The following SYNE2 variants were observed in gnomAD, a reference collection of about 807,000 sequenced individuals.
SYNE2 encodes spectrin repeat containing nuclear envelope protein 2.
Under a neutral mutation model 856.3 loss-of-function variants are expected in SYNE2, and 431 were observed. The observed-to-expected ratio is 0.50, with a 90% CI of 0.47 to 0.55. SYNE2 has a LOEUF of 0.55. SYNE2 is among the 20% of genes least tolerant of loss of function. SYNE2 has a pLI of 0.00. For synonymous variants in SYNE2, 2,923 were observed against 2,872.3 expected, an observed-to-expected ratio of 1.02 and a Z score of -0.56; for missense variants, 8,129 against 8,023.2, an observed-to-expected ratio of 1.01 and a Z score of -0.50.
At chr14:63,797,724 G>A (rs577793549) in intron 1 of SYNE2, among the ~76,000 whole-genome samples, 3 of 152,356 alleles carry the variant, frequency 2.0e-5, no homozygotes, top group South Asian at 2.1e-4. Context: ...TTACAGGTGT[G>A]AGCCACCACG....
In SYNE2 at chr14:63,912,856, A is replaced by T. The variant is rs1040245293; in HGVS notation, c.79+3629A>T. Among the ~76,000 whole-genome samples the T allele has an allele frequency of 2.6e-5, 4 of 152,234 alleles. No individual in the cohort carries two copies. In the South Asian group the frequency reaches 8.3e-4, roughly 32 times the overall value. The stretch of plus-strand genomic sequence containing the variant: ...AAATTCATAGAGCAGGACGATAAGC[A>T]AGTGACTTTATCTTTCTTTTCATTG... On this transcript the variant is annotated intron_variant, in intron 2 of 115. Coordinates refer to ENST00000555002, the MANE Select transcript of SYNE2 (RefSeq NM_182914.3).
chr14:63,784,595 A>G (rs967042097), intron 1 of SYNE2, among the ~76,000 whole-genome samples: 5 of 152,090 alleles, frequency 3.3e-5, no homozygotes, highest in Non-Finnish European at 5.9e-5. Context: ...CCTGGGCTCC[A>G]GTGATCTTCC....
At chr14:64,220,391 TC>T in intron 110 of SYNE2, 45 bp from the exon 111 acceptor site, 5 of 1,607,840 alleles carry the variant, frequency 3.1e-6, no homozygotes, top group Non-Finnish European at 4.3e-6. Flanking sequence ...GAGCCCCTCC[TC>T]CCTACTTTCA....
At chr14:63,955,102 A>G (rs1481067316) in intron 8 of SYNE2, among the ~76,000 whole-genome samples, 187 bp downstream of exon 8, 2 of 152,238 alleles carry the variant, frequency 1.3e-5, no homozygotes, top group Non-Finnish European at 2.9e-5. Context: ...CAGTAATTAT[A>G]GGGGAAGCCA....
chr14:64,080,442 A>G lies in SYNE2; in HGVS notation c.11164-14A>G. 6.2e-7 allele frequency: 1 copy of G among 1,614,010 alleles called. No homozygotes were observed. The highest frequency in any genetic ancestry group is 8.5e-7 in the Non-Finnish European group (1 of 1,179,986). Reference sequence around the variant, plus strand: ...ACCTCTTCATTCAAGTTGACTTACGATTTCCTTCTCCAGAAAATGTGGGAC... The same window carrying G: ...ACCTCTTCATTCAAGTTGACTTACGGTTTCCTTCTCCAGAAAATGTGGGAC... On this transcript the variant is annotated splice_polypyrimidine_tract_variant and intron_variant, in intron 55 of 115. Transcript: ENST00000555002.
intron 78 of SYNE2, among the ~76,000 whole-genome samples, chr14:64,136,684 T>C (rs1316382819): frequency 6.6e-6 from 1 of 152,262 alleles, no homozygotes; most frequent in African/African-American, 2.4e-5. Flanking sequence ...TACGCTGTTT[T>C]AATTTATTTT....
chr14:63,863,443 C>T (rs1894297829), intron 1 of SYNE2, among the ~76,000 whole-genome samples: 1 of 152,136 alleles, frequency 6.6e-6, no homozygotes, highest in Admixed American at 6.6e-5. Flanking sequence ...TCATCTTTAG[C>T]CGCTTCTGTG....
At chr14:64,090,424 A>G (rs985411795) in intron 59 of SYNE2, among the ~76,000 whole-genome samples, 2 of 152,344 alleles carry the variant, frequency 1.3e-5, no homozygotes, top group South Asian at 4.1e-4. Flanking sequence ...GCAAAATATA[A>G]TTATACTCCT....
chr14:64,225,033 A>G lies in SYNE2; in HGVS notation c.20504A>G (p.Glu6835Gly). 1 of 1,613,852 alleles carries G rather than the reference A, an allele frequency of 6.2e-7. No individual in the cohort carries two copies. Among genetic ancestry groups the G allele is most frequent in the African/African-American group, 1.3e-5 (1 of 74,964 alleles). The change falls in exon 115 of 116, where the codon GAG becomes GGG. Residue 6835 changes from glutamate (E) to glycine (G), a missense_variant. Transcript: ENST00000555002. ...GTGAGAACTACAGAAGGCGAGGAGGAGACAGAGAGCAGGTAACGGGGCTTT... is the reference window on the plus strand; with the variant it reads ...GTGAGAACTACAGAAGGCGAGGAGGGGACAGAGAGCAGGTAACGGGGCTTT... The part of the protein sequence containing the change: ...RAVRTTEGEE[E>G]TESRVPGSTR...
chr14:63,788,492 A>G (rs1460489268), intron 1 of SYNE2, among the ~76,000 whole-genome samples: 5 of 152,084 alleles, frequency 3.3e-5, no homozygotes, highest in African/African-American at 7.2e-5. Flanking sequence ...ACAAGAGCAC[A>G]GGGAGGCTCG....
chr14:64,092,240 G>C (rs2097626476), intron 60 of SYNE2, among the ~76,000 whole-genome samples: 2 of 152,216 alleles, frequency 1.3e-5, no homozygotes, highest in Non-Finnish European at 2.9e-5. Flanking sequence ...TGAAATAGAA[G>C]AGGCAGTTCT....
rs2098713029 is a variant in SYNE2, at chr14:64,225,120, C to T, written c.20516+75C>T. 8.9e-6 allele frequency: 14 copies of T among 1,578,546 alleles called. No homozygotes were observed. The Admixed American group carries it at 2.2e-4, about 25-fold the overall frequency. ...CACTGACTCAGTCTTGCCAATGCCA[C>T]TATCAAGGTCCTTGCAAAAATCTGG... is the stretch of plus-strand genomic sequence containing the variant. On this transcript the variant is annotated intron_variant, in intron 115 of 115. Coordinates refer to ENST00000555002, the MANE Select transcript of SYNE2 (RefSeq NM_182914.3).
At chr14:63,807,240 G>C (rs1423747320) in intron 1 of SYNE2, among the ~76,000 whole-genome samples, 1 of 152,038 alleles carries the variant, frequency 6.6e-6, no homozygotes, top group Non-Finnish European at 1.5e-5. Flanking sequence ...TACTCAGAAG[G>C]CTGAGGCAGG....
intron 46 of SYNE2, chr14:64,048,483 C>T (rs957863030): frequency 1.5e-5 from 3 of 199,238 alleles, no homozygotes; most frequent in Admixed American, 5.3e-5. Flanking sequence ...ATGTATTTTT[C>T]CTAACAATCA....
intron 93 of SYNE2, among the ~76,000 whole-genome samples, chr14:64,169,344 G>T (rs2098399062): frequency 1.3e-5 from 2 of 152,190 alleles, no homozygotes; most frequent in African/African-American, 4.8e-5. Flanking sequence ...TCTAAAAAAT[G>T]ATTATTCCTA....
intron 1 of SYNE2, among the ~76,000 whole-genome samples, chr14:63,883,475 T>G (rs1281821813): frequency 6.6e-6 from 1 of 152,146 alleles, no homozygotes; most frequent in Non-Finnish European, 1.5e-5. Flanking sequence ...TACCTCAGCC[T>G]CCCAGGGATC....
At chr14:63,863,044 C>T (rs578253186) in intron 1 of SYNE2, among the ~76,000 whole-genome samples, 2 of 151,944 alleles carry the variant, frequency 1.3e-5, no homozygotes, top group African/African-American at 2.4e-5. Flanking sequence ...GTGACCTGCC[C>T]GCCTCAGCCT....
intron 2 of SYNE2, among the ~76,000 whole-genome samples, chr14:63,915,083 TA>T (rs2095518781): frequency 6.6e-6 from 1 of 152,210 alleles, no homozygotes; most frequent in African/African-American, 2.4e-5. Context: ...CTGGCCTATT[TA>T]GTGTGTTTTT....
At chr14:63,842,221 G>A (rs545618185) in intron 1 of SYNE2, among the ~76,000 whole-genome samples, 8 of 151,930 alleles carry the variant, frequency 5.3e-5, no homozygotes, top group Non-Finnish European at 8.8e-5. Flanking sequence ...CACCCAGGCC[G>A]AGTGCAGTGG....
Sources: allele counts gnomAD v4.1 joint callset (sites outside exome capture counted in the v4.1 genomes callset), GRCh38; gene constraint gnomAD v4.1.1; transcripts MANE v1.5; gene names NCBI Gene and HGNC (gene_info 2026-07-23, HGNC 2026-07-21).